The following TTC7B variants were observed in gnomAD, a reference collection of about 807,000 sequenced individuals.
TTC7B encodes tetratricopeptide repeat protein 7B.
Under a neutral mutation model 106.8 loss-of-function variants are expected in TTC7B, and 28 were observed. That is an observed-to-expected ratio of 0.26 (90% confidence interval 0.19 to 0.36). The LOEUF (loss-of-function observed/expected upper bound fraction) is 0.36. Ranked by LOEUF, TTC7B falls within the 10% of genes least tolerant of loss-of-function variation. The pLI, the probability that TTC7B is intolerant of heterozygous loss-of-function variation, is 1.00. For missense variants in TTC7B, 862 were observed against 1,076.4 expected, an observed-to-expected ratio of 0.80 and a Z score of 2.79; for synonymous variants, 405 against 430.6, an observed-to-expected ratio of 0.94 and a Z score of 0.74.
chr14:90,769,451 C>T (rs142494719), intron 3 of TTC7B, among the ~76,000 whole-genome samples: 3 of 152,224 alleles, frequency 2.0e-5, no homozygotes, highest in Non-Finnish European at 2.9e-5. Context: ...GACATAAATA[C>T]GTTGAAAGTG....
At chr14:90,671,095 A>G (rs566015325) in intron 9 of TTC7B, among the ~76,000 whole-genome samples, 2 of 152,276 alleles carry the variant, frequency 1.3e-5, no homozygotes, top group East Asian at 3.9e-4. Context: ...GATACCTTCT[A>G]GAAACCTTGG....
intron 19 of TTC7B, among the ~76,000 whole-genome samples, chr14:90,567,268 G>A (rs369807941): frequency 1.3e-5 from 2 of 152,246 alleles, no homozygotes; most frequent in Non-Finnish European, 2.9e-5. Flanking sequence ...AAATGAGCTC[G>A]TCTATCGACG....
At chr14:90,672,103 G>A (rs182363849) in intron 9 of TTC7B, among the ~76,000 whole-genome samples, 10 of 152,350 alleles carry the variant, frequency 6.6e-5, no homozygotes, top group Non-Finnish European at 1.3e-4. Context: ...CCAAGGAGAG[G>A]AGCCAAGAAG....
chr14:90,720,226 T>C (rs983051821), intron 5 of TTC7B, among the ~76,000 whole-genome samples: 3 of 152,138 alleles, frequency 2.0e-5, no homozygotes, highest in African/African-American at 7.2e-5. Flanking sequence ...AGGTTTCTGC[T>C]CAGTCACTTC....
intron 5 of TTC7B, among the ~76,000 whole-genome samples, chr14:90,727,380 T>C (rs1205024860): frequency 6.6e-6 from 1 of 152,168 alleles, no homozygotes; most frequent in East Asian, 1.9e-4. Flanking sequence ...GCAAGGCACA[T>C]CCCCTGTGAG....
chr14:90,738,539 G>A (rs577075590), intron 4 of TTC7B, among the ~76,000 whole-genome samples: 7 of 152,114 alleles, frequency 4.6e-5, no homozygotes, highest in African/African-American at 1.4e-4. Flanking sequence ...CCCGGGAGGC[G>A]GAGGTTGCAG....
rs919080779 is a variant in TTC7B at position 90,570,310 on chromosome 14, G to A, written c.2310+7796C>T. Among the ~76,000 whole-genome samples, 6 of 152,116 alleles carry A rather than the reference G, an allele frequency of 3.9e-5. No individual in the cohort carries two copies. The highest frequency in any genetic ancestry group is 4.1e-4 in the South Asian group (2 of 4,824). ...CAATCCTGCCTCGAAGTCATTTCCCGCACTCATTTGGTCAGCAAAGGCTGT... is the reference window on the plus strand; with the variant it reads ...CAATCCTGCCTCGAAGTCATTTCCCACACTCATTTGGTCAGCAAAGGCTGT... On this transcript the variant is annotated intron_variant, in intron 19 of 19. Transcript: ENST00000328459. This position sits in a 1 kb window ranked among gnomAD's most constrained non-coding sequence, Gnocchi z 4.0.
At chr14:90,706,617 C>T (rs1039206346) in intron 5 of TTC7B, among the ~76,000 whole-genome samples, 25 of 152,152 alleles carry the variant, frequency 1.6e-4, no homozygotes, top group Non-Finnish European at 5.9e-5. Flanking sequence ...TAGTCTATTG[C>T]AATTTTTACC....
chr14:90,661,428 C>A (rs766994333), intron 9 of TTC7B, among the ~76,000 whole-genome samples: 1 of 152,038 alleles, frequency 6.6e-6, no homozygotes, highest in African/African-American at 2.4e-5. Context: ...GCGGGAGAGA[C>A]GTAACCCAGG....
chr14:90,670,275 C>T (rs1886580979), intron 9 of TTC7B, among the ~76,000 whole-genome samples: 1 of 152,004 alleles, frequency 6.6e-6, no homozygotes, highest in African/African-American at 2.4e-5. Flanking sequence ...TGCCTGATTC[C>T]TTTTATATGA....
At chr14:90,549,867 G>A (rs1175856916) in intron 19 of TTC7B, among the ~76,000 whole-genome samples, 6 of 152,160 alleles carry the variant, frequency 3.9e-5, no homozygotes, top group African/African-American at 1.4e-4. Flanking sequence ...AGATCGCCCA[G>A]CATATTTGTA....
chr14:90,762,478 T>C (rs976573246), intron 3 of TTC7B, among the ~76,000 whole-genome samples: 1 of 152,246 alleles, frequency 6.6e-6, no homozygotes, highest in East Asian at 1.9e-4. Flanking sequence ...TTCTCCACTC[T>C]GTGCCAGAAA....
At position 90,744,822 on chromosome 14, in the gene TTC7B, G is replaced by A. The variant is rs141007402; in HGVS notation, c.546C>T (p.Ile182=). Residue 182 remains isoleucine (I), a synonymous_variant, in exon 4 of 20, where the codon ATC becomes ATT. Coordinates refer to ENST00000328459, the MANE Select transcript of TTC7B (RefSeq NM_001010854.2). The part of the protein sequence containing the change: ...VITCYEKAGD[I]ALLYLQEIER... ...CTATCTCTTGGAGATACAGGAGTGC[G>A]ATGTCCCCTGCTTTCTCATAACAGG... 620 of 1,614,012 alleles carry A rather than the reference G, an allele frequency of 3.8e-4. 6 individuals carry two copies. In the African/African-American group the frequency reaches 7.1e-3, roughly 19 times the overall value.
At position 90,768,480 on chromosome 14, in the gene TTC7B, T is replaced by A. The variant is rs146134304; in HGVS notation, c.445+12258A>T. 8.9e-3 allele frequency among the ~76,000 whole-genome samples: 1,349 copies of A among 152,074 alleles called. 14 individuals carry two copies. Among genetic ancestry groups the A allele is most frequent in the Middle Eastern group, 0.034 (10 of 294 alleles). On this transcript the variant is annotated intron_variant, in intron 3 of 19. Transcript: ENST00000328459. ...AAACCGTACCCATGAACAAATCACC[T>A]CCCTCCCTTGATACATGGGGAATAC... is the stretch of plus-strand genomic sequence containing the variant.
At chr14:90,654,467 C>G (rs996610417) in intron 12 of TTC7B, among the ~76,000 whole-genome samples, 2 of 152,134 alleles carry the variant, frequency 1.3e-5, no homozygotes, top group Non-Finnish European at 2.9e-5. Context: ...TAAGCACATC[C>G]AAAAATCACT....
At chr14:90,714,824 C>T (rs1016595113) in intron 5 of TTC7B, among the ~76,000 whole-genome samples, 1 of 152,074 alleles carries the variant, frequency 6.6e-6, no homozygotes, top group African/African-American at 2.4e-5. Context: ...GTGAATTATA[C>T]ACAAAGCTGC....
chr14:90,605,409 A>T (rs994948847), intron 17 of TTC7B, among the ~76,000 whole-genome samples: 1 of 152,220 alleles, frequency 6.6e-6, no homozygotes, highest in African/African-American at 2.4e-5. Flanking sequence ...AAGTTGAGGC[A>T]TGGGCTCCAA....
chr14:90,638,415 T>G (rs1183675799), intron 15 of TTC7B, among the ~76,000 whole-genome samples: 1 of 152,210 alleles, frequency 6.6e-6, no homozygotes, highest in Non-Finnish European at 1.5e-5. Context: ...AAAAACCAGT[T>G]ACCTTTCTAT....
At chr14:90,799,728 G>A (rs1420094126) in intron 1 of TTC7B, among the ~76,000 whole-genome samples, 1 of 152,212 alleles carries the variant, frequency 6.6e-6, no homozygotes, top group African/African-American at 2.4e-5. Context: ...CAGCGGGGCA[G>A]GTAAGCACAG....
Sources: allele counts gnomAD v4.1 joint callset (sites outside exome capture counted in the v4.1 genomes callset), GRCh38; gene constraint gnomAD v4.1.1; non-coding constraint Gnocchi (gnomAD v3.1); transcripts MANE v1.5; gene names NCBI Gene and HGNC (gene_info 2026-07-23, HGNC 2026-07-21).